The following ZNF839 variants were observed in gnomAD, a reference collection of about 807,000 sequenced individuals.
The protein encoded by ZNF839 is renal carcinoma antigen NY-REN-50.
In ZNF839, 38 loss-of-function variants were observed where a neutral mutation model predicts 56.4. The observed-to-expected ratio is 0.67, with a 90% CI of 0.52 to 0.88. ZNF839 has a LOEUF of 0.88. Among genes scored for constraint, ZNF839 ranks in the 40% least tolerant of loss-of-function variants. The pLI is 0.00. For synonymous variants in ZNF839, 486 were observed against 493.5 expected (o/e 0.98, Z 0.20); for missense variants, 1,091 against 1,177.6 (o/e 0.93, Z 1.08).
intron 1 of ZNF839, 144 bp downstream of exon 1, chr14:102,320,197 G>C: frequency 9.6e-7 from 1 of 1,038,890 alleles, no homozygotes; most frequent in South Asian, 4.6e-5. Flanking sequence ...TAGGGACGGC[G>C]TTCGGCCCCC....
intron 5 of ZNF839, 67 bp downstream of exon 5, chr14:102,335,905 G>A (rs1167943320): frequency 6.4e-7 from 1 of 1,561,614 alleles, no homozygotes; most frequent in Non-Finnish European, 8.7e-7. Context: ...AGGGCCACGT[G>A]CAGTGGCTTA....
intron 1 of ZNF839, 125 bp from the exon 2 acceptor site, chr14:102,325,860 C>T (rs751794603): frequency 8.7e-6 from 10 of 1,154,674 alleles, no homozygotes; most frequent in Non-Finnish European, 1.2e-5. Context: ...CACATTACAT[C>T]AACTTTTATA....
rs1238795428 is a variant in ZNF839 at position 102,326,820 on chromosome 14, C to T, written c.1124C>T (p.Pro375Leu). The T allele has an allele frequency of 6.2e-7, 1 of 1,611,362 alleles. No individual in the cohort carries two copies. Among genetic ancestry groups the T allele is most frequent in the South Asian group, 1.1e-5 (1 of 90,538 alleles). ...CTGACCTCCCTGGGGCTGTCCATGC[C>T]AGCGGATCCATGTGAGGGAGGGGCC... The part of the protein sequence containing the change: ...LSLTSLGLSM[P>L]ADPCEGGARS... The change falls in exon 2 of 8, where the codon CCA becomes CTA. Residue 375 changes from proline (P) to leucine (L), a missense_variant. Coordinates refer to ENST00000442396, the MANE Select transcript of ZNF839 (RefSeq NM_018335.6). This position sits in a 1 kb window ranked among gnomAD's most constrained non-coding sequence, Gnocchi z 4.3.
chr14:102,320,326 GC>G (rs1222779118), intron 1 of ZNF839, among the ~76,000 whole-genome samples: 1 of 152,206 alleles, frequency 6.6e-6, no homozygotes, highest in Non-Finnish European at 1.5e-5. Context: ...CCTGCTGGGG[GC>G]TTTTGCGTGC....
chr14:102,339,014 TC>T, intron 6 of ZNF839, 61 bp downstream of exon 6: 1 of 1,613,534 alleles, frequency 6.2e-7, no homozygotes, highest in Non-Finnish European at 8.5e-7. Context: ...TGGTTTGGCT[TC>T]TTCTGTTCAC....
At chr14:102,323,451 G>A (rs2139462045) in intron 1 of ZNF839, among the ~76,000 whole-genome samples, 1 of 152,354 alleles carries the variant, frequency 6.6e-6, no homozygotes, top group East Asian at 1.9e-4. Context: ...CCCCTAAGCT[G>A]TAAGACAGCT....
At chr14:102,325,856 A>T in intron 1 of ZNF839, 129 bp from the exon 2 acceptor site, 1 of 1,110,472 alleles carries the variant, frequency 9.0e-7, no homozygotes, top group Non-Finnish European at 1.3e-6. Flanking sequence ...CAAACACATT[A>T]CATCAACTTT....
Position 102,341,472 on chromosome 14 carries a change from G to A in ZNF839, c.2077G>A (p.Ala693Thr). The change falls in exon 8 of 8, where the codon GCT becomes ACT. Residue 693 changes from alanine to threonine, a missense_variant. Physicochemically the swap from Ala to Thr is moderately conservative, Grantham distance 58. Around this residue, in one of 3 missense-constraint regions of ZNF839, gnomAD observed 431 missense variants for 468.0 expected, o/e 0.92. Coordinates refer to ENST00000442396, the MANE Select transcript of ZNF839 (RefSeq NM_018335.6). ...NLEARRGSIG[A>T]ALSSRDVSGL... ...AGAAGCCAGGAGGGGGTCTATAGGT[G>A]CTGCTCTCTCATCCCGGGATGTCAG... The A allele has an allele frequency of 1.3e-6, 2 of 1,598,366 alleles. No homozygotes were observed. The highest frequency in any genetic ancestry group is 1.3e-5 in the African/African-American group (1 of 74,644).
rs567758841 is a variant in ZNF839 at position 102,342,299 on chromosome 14, A to G, written c.*120A>G. 50 of 1,305,604 alleles carry G rather than the reference A, an allele frequency of 3.8e-5. No individual in the cohort carries two copies. The highest frequency in any genetic ancestry group is 5.6e-4 in the Middle Eastern group (2 of 3,578). The allele number at this position is 1,305,604 out of a possible 1,614,324, so 80.9% of individuals were successfully genotyped here. A position where few individuals can be genotyped will look rare whatever the true frequency, so the allele number is the denominator to read the frequency against. On this transcript the variant is annotated 3_prime_UTR_variant, in exon 8 of 8. Transcript: ENST00000442396. ...ATCCAGAGAAGGTCTATGGCAAGCA[A>G]TGTATATTTTTCTAATGTGAATATT...
At chr14:102,338,717 T>C in intron 5 of ZNF839, 99 bp from the exon 6 acceptor site, 1 of 1,538,590 alleles carries the variant, frequency 6.5e-7, no homozygotes, top group Non-Finnish European at 8.8e-7. Context: ...ACTTTGTAGA[T>C]TTAATTCTAT....
intron 5 of ZNF839, 61 bp from the exon 6 acceptor site, chr14:102,338,755 G>A: frequency 6.3e-7 from 1 of 1,594,902 alleles, no homozygotes; most frequent in South Asian, 1.1e-5. Flanking sequence ...GCATGTGAAT[G>A]TGCTTCTGGG....
Position 102,341,899 on chromosome 14 carries a change from G to A in ZNF839, c.2504G>A (p.Gly835Glu). ...CCACATGGATCACTATTGACTGAAG[G>A]GTGTCTCAGAAGCCTTTCGGGGGAC... ...PGPHGSLLTE[G>E]CLRSLSGDLN... is the part of the protein sequence containing the mutation. Residue 835 changes from glycine to glutamate, a missense_variant, in exon 8 of 8, where the codon GGG becomes GAG. By Grantham distance (98) the Gly-to-Glu change is moderately conservative. Around this residue, in one of 3 missense-constraint regions of ZNF839, gnomAD observed 431 missense variants for 468.0 expected, o/e 0.92. Transcript: ENST00000442396. 2 of 1,614,040 alleles carry A rather than the reference G, an allele frequency of 1.2e-6. No individual in the cohort carries two copies. Among genetic ancestry groups the A allele is most frequent in the Non-Finnish European group, 8.5e-7 (1 of 1,179,902 alleles).
chr14:102,328,376 ATATATATATATATATAT>A lies in ZNF839; in HGVS notation c.1191+1490_1191+1506del, dbSNP rs1174935207. ...TCTCAAAAAAAAAAAAAAAAAAAAA[ATATATATATATATATAT>A]ATATATATATATATATATGTATACA... On this transcript the variant is annotated intron_variant, in intron 2 of 7. Coordinates refer to ENST00000442396, the MANE Select transcript of ZNF839 (RefSeq NM_018335.6). 5.6e-3 allele frequency among the ~76,000 whole-genome samples: 95 copies of A among 16,948 alleles called. 3 individuals are homozygous for A. Among genetic ancestry groups the A allele is most frequent in the African/African-American group, 0.016 (77 of 4,746 alleles). 11.1% of individuals were successfully genotyped at this position (16,948 alleles called of 152,430 possible).
At position 102,342,056 on chromosome 14, in the gene ZNF839, G is replaced by A. The variant is rs200165854; in HGVS notation, c.2661G>A (p.Lys887=). Residue 887 remains lysine (K), a synonymous_variant, in exon 8 of 8, where the codon AAG becomes AAA. Coordinates refer to ENST00000442396, the MANE Select transcript of ZNF839 (RefSeq NM_018335.6). ...ATGAGTTACTGTCTCAGGGACAGAA[G>A]CAGATTTTTATTCAGACTTCCGATG... ...GSHELLSQGQ[K]QIFIQTSDGL... 64 of 1,614,040 alleles carry A rather than the reference G, an allele frequency of 4.0e-5. No homozygotes were observed. In the East Asian group the frequency reaches 1.4e-3, roughly 35 times the overall value.
At position 102,341,400 on chromosome 14, in the gene ZNF839, G is replaced by A. The variant is rs201911497; in HGVS notation, c.2005G>A (p.Gly669Arg). The change falls in exon 8 of 8, where the codon GGG becomes AGG. Residue 669 changes from glycine (G) to arginine (R), a missense_variant. Gly to Arg is a moderately radical substitution (Grantham distance 125). Transcript: ENST00000442396. ...SHTTTVSGGN[G>R]SVFQAGPQLQ... is the part of the protein sequence containing the mutation. Reference sequence around the variant, plus strand: ...TACAACGACGGTTTCTGGTGGCAATGGGAGCGTGTTCCAGGCGGGCCCGCA... The same window carrying A: ...TACAACGACGGTTTCTGGTGGCAATAGGAGCGTGTTCCAGGCGGGCCCGCA... 240 of 1,569,244 alleles carry A rather than the reference G, an allele frequency of 1.5e-4. 2 individuals carry two copies. In the East Asian group the frequency reaches 5.4e-3, roughly 35 times the overall value.
chr14:102,330,737 C>A (rs8006936), intron 2 of ZNF839, among the ~76,000 whole-genome samples: 9,179 of 152,008 alleles, frequency 0.06, 537 homozygotes, highest in African/African-American at 0.16. Flanking sequence ...AGGCTGGTCT[C>A]AAACTCCTGA....
At position 102,323,454 on chromosome 14, in the gene ZNF839, A is replaced by G. The variant is rs2073239973; in HGVS notation, c.289-2531A>G. Among the ~76,000 whole-genome samples the G allele has an allele frequency of 2.6e-5, 4 of 152,308 alleles. No homozygotes were observed. In the South Asian group the frequency reaches 8.3e-4, roughly 32 times the overall value. On this transcript the variant is annotated intron_variant, in intron 1 of 7. Coordinates refer to ENST00000442396, the MANE Select transcript of ZNF839 (RefSeq NM_018335.6). ...CCCCGTCCTTCTCCCCTAAGCTGTA[A>G]GACAGCTGTTTCCCTGACACCTGTA...
At chr14:102,330,916 G>T (rs575826870) in intron 2 of ZNF839, among the ~76,000 whole-genome samples, 1 of 152,274 alleles carries the variant, frequency 6.6e-6, no homozygotes, top group Non-Finnish European at 1.5e-5. Flanking sequence ...CCAGATCTAG[G>T]GTTCTCTTCA....
At chr14:102,341,269 G>A in intron 7 of ZNF839, 54 bp from the exon 8 acceptor site, 1 of 1,473,646 alleles carries the variant, frequency 6.8e-7, no homozygotes, top group East Asian at 2.3e-5. Flanking sequence ...TGAGTGCAGT[G>A]AGTGGGCCAT....
Sources: allele counts gnomAD v4.1 joint callset (sites outside exome capture counted in the v4.1 genomes callset), GRCh38; gene constraint gnomAD v4.1.1; regional missense constraint gnomAD v4.1.1; non-coding constraint Gnocchi (gnomAD v3.1); transcripts MANE v1.5; gene names NCBI Gene and HGNC (gene_info 2026-07-23, HGNC 2026-07-21).